Variants in MAML3 observed in about 807,000 individuals in gnomAD.
MAML3 encodes mastermind-like protein 3.
Under a neutral mutation model 101.9 loss-of-function variants are expected in MAML3, and 27 were observed. The observed-to-expected ratio is 0.27, with a 90% CI of 0.20 to 0.37. The LOEUF is 0.37. MAML3 is among the 10% of genes least tolerant of loss of function. MAML3 has a pLI of 1.00. For missense variants in MAML3, 1,316 were observed against 1,444.9 expected (o/e 0.91, Z 1.45); for synonymous variants, 501 against 555.9 (o/e 0.90, Z 1.39).
intron 1 of MAML3, among the ~76,000 whole-genome samples, chr4:140,077,119 T>C (rs1317631578): frequency 6.6e-6 from 1 of 152,030 alleles, no homozygotes; most frequent in Non-Finnish European, 1.5e-5. Context: ...TGACCTCAGG[T>C]GATCCACCCA....
intron 1 of MAML3, among the ~76,000 whole-genome samples, chr4:140,081,994 T>A (rs1448087668): frequency 6.6e-6 from 1 of 152,146 alleles, no homozygotes; most frequent in Non-Finnish European, 1.5e-5. Context: ...TAAAATAGGA[T>A]CCATAGCACC....
intron 2 of MAML3, among the ~76,000 whole-genome samples, chr4:139,802,348 TC>T (rs1177998380): frequency 6.6e-6 from 1 of 152,136 alleles, no homozygotes; most frequent in African/African-American, 2.4e-5. Flanking sequence ...TGTGTTCCTT[TC>T]TCTCTTTCCT....
chr4:140,088,939 G>A (rs747924061), intron 1 of MAML3, among the ~76,000 whole-genome samples: 6 of 152,206 alleles, frequency 3.9e-5, no homozygotes, highest in East Asian at 1.9e-4. Flanking sequence ...AATGAACTAC[G>A]GAACCAATTG....
At chr4:139,818,913 G>A (rs1730931455) in intron 2 of MAML3, among the ~76,000 whole-genome samples, 1 of 152,110 alleles carries the variant, frequency 6.6e-6, no homozygotes, top group African/African-American at 2.4e-5. Flanking sequence ...CATATGGCCT[G>A]TATCAAACAT....
chr4:139,926,101 C>T (rs1240843678), intron 1 of MAML3, among the ~76,000 whole-genome samples: 1 of 152,028 alleles, frequency 6.6e-6, no homozygotes, highest in Non-Finnish European at 1.5e-5. Context: ...AACCAAACAC[C>T]CATATACCGA....
rs555064963 is a variant in MAML3 at position 139,825,489 on chromosome 4, T to C, written c.2079+63868A>G. On this transcript the variant is annotated intron_variant, in intron 2 of 4. Transcript: ENST00000509479. ...TTTTATAAGATAGTCCCGTCTATCA[T>C]GCAGAGAATCTGGGAGGCCAGATTC... Among the ~76,000 whole-genome samples the C allele has an allele frequency of 2.0e-5, 3 of 152,308 alleles. No individual in the cohort carries two copies. The South Asian group carries it at 6.2e-4, about 32-fold the overall frequency.
intron 1 of MAML3, among the ~76,000 whole-genome samples, chr4:139,993,695 G>A (rs1349293827): frequency 1.3e-5 from 2 of 151,910 alleles, no homozygotes; most frequent in Non-Finnish European, 2.9e-5. Context: ...GGGTGTGGTG[G>A]CGGGCACCTG....
chr4:139,831,200 T>C (rs1223477637), intron 2 of MAML3, among the ~76,000 whole-genome samples: 1 of 152,184 alleles, frequency 6.6e-6, no homozygotes, highest in Non-Finnish European at 1.5e-5. Flanking sequence ...CAGTATCAAT[T>C]TCATCCACCA....
intron 1 of MAML3, among the ~76,000 whole-genome samples, chr4:140,037,295 G>A (rs1039336056): frequency 3.3e-5 from 5 of 149,586 alleles, no homozygotes; most frequent in South Asian, 2.2e-4. Context: ...AACTAAGAAC[G>A]GATCAAGAAG....
chr4:139,801,636 GTGTGT>G (rs1464896036), intron 2 of MAML3, among the ~76,000 whole-genome samples: 6 of 10,930 alleles, frequency 5.5e-4, no homozygotes, highest in African/African-American at 1.3e-3. Flanking sequence ...GGAACAGGGT[GTGTGT>G]GGGTGTGTGT....
Position 140,117,138 on chromosome 4 carries a change from C to T in MAML3, c.468+35722G>A, listed in dbSNP as rs530943255. Among the ~76,000 whole-genome samples, 13 of 152,218 alleles carry T rather than the reference C, an allele frequency of 8.5e-5. No homozygotes were observed. In the South Asian group the frequency reaches 2.5e-3, roughly 29 times the overall value. On this transcript the variant is annotated intron_variant, in intron 1 of 4. Transcript: ENST00000509479. ...CTCTTCCTTTTACCCTTAGTGTGAT[C>T]TGGGGTGATTTTTAGGGTCTTATTA...
chr4:139,913,853 C>T (rs1732977818), intron 1 of MAML3, among the ~76,000 whole-genome samples: 1 of 152,186 alleles, frequency 6.6e-6, no homozygotes, highest in South Asian at 2.1e-4. Flanking sequence ...TAAAAACAAA[C>T]ACAAAGCTTT....
At chr4:139,938,164 T>G (rs1440871793) in intron 1 of MAML3, among the ~76,000 whole-genome samples, 1 of 152,180 alleles carries the variant, frequency 6.6e-6, no homozygotes, top group Non-Finnish European at 1.5e-5. Flanking sequence ...CAATGACATA[T>G]TCTGAAATTA....
intron 1 of MAML3, among the ~76,000 whole-genome samples, chr4:140,105,377 G>A (rs1002337577): frequency 2.0e-5 from 3 of 152,214 alleles, no homozygotes; most frequent in Non-Finnish European, 4.4e-5. Context: ...GTCTTAGCCA[G>A]ACACTTCATT....
intron 3 of MAML3, among the ~76,000 whole-genome samples, chr4:139,728,282 T>C (rs1453263437): frequency 6.6e-6 from 1 of 152,164 alleles, no homozygotes; most frequent in African/African-American, 2.4e-5. Context: ...CAACCTGCAC[T>C]AAATCTGCAC....
At chr4:139,869,335 C>T (rs1731959005) in intron 2 of MAML3, among the ~76,000 whole-genome samples, 1 of 151,422 alleles carries the variant, frequency 6.6e-6, no homozygotes, top group Non-Finnish European at 1.5e-5. Flanking sequence ...GATCTATGTT[C>T]TCAAGGACCC....
chr4:139,792,273 C>T (rs1004348673), intron 2 of MAML3, among the ~76,000 whole-genome samples: 1 of 152,148 alleles, frequency 6.6e-6, no homozygotes, highest in Non-Finnish European at 1.5e-5. Flanking sequence ...GTCATCTACT[C>T]CACTTCCTCC....
At chr4:140,013,342 T>C (rs1242129174) in intron 1 of MAML3, among the ~76,000 whole-genome samples, 1 of 152,192 alleles carries the variant, frequency 6.6e-6, no homozygotes, top group Non-Finnish European at 1.5e-5. Context: ...AATATCTTCC[T>C]TACTTTTCCC....
rs375746627 is a variant in MAML3, at chr4:139,725,789, C to T, written c.2378G>A (p.Arg793Gln). ...GACCTGCTGCACTGGGTATGGATTCCGCTGTGGCTGGAGGTGCTGCCGGGG... is the reference window on the plus strand; with the variant it reads ...GACCTGCTGCACTGGGTATGGATTCTGCTGTGGCTGGAGGTGCTGCCGGGG... ...HLPRQHLQPQ[R>Q]NPYPVQQVNQ... Residue 793 changes from arginine (R) to glutamine (Q), a missense_variant, in exon 4 of 5, where the codon CGG becomes CAG. By Grantham distance (43) the Arg-to-Gln change is conservative (BLOSUM62 1). Coordinates refer to ENST00000509479, the MANE Select transcript of MAML3 (RefSeq NM_018717.5). 22 of 1,613,802 alleles carry T rather than the reference C, an allele frequency of 1.4e-5. No homozygotes were observed. The highest frequency in any genetic ancestry group is 1.6e-4 in the Middle Eastern group (1 of 6,084).
Sources: allele counts gnomAD v4.1 joint callset (sites outside exome capture counted in the v4.1 genomes callset), GRCh38; gene constraint gnomAD v4.1.1; transcripts MANE v1.5; gene names NCBI Gene and HGNC (gene_info 2026-07-23, HGNC 2026-07-21).